ESF1: variants seen among roughly 807,000 people sequenced by gnomAD.
The protein encoded by ESF1 is ESF1 homolog.
Under a neutral mutation model 92.0 loss-of-function variants are expected in ESF1, and 58 were observed. The observed-to-expected ratio is 0.63, with a 90% CI of 0.51 to 0.78. ESF1 has a LOEUF of 0.78. ESF1 is among the 30% of genes least tolerant of loss of function. The pLI, the probability that ESF1 is intolerant of heterozygous loss-of-function variation, is 0.00. For synonymous variants in ESF1, 321 were observed against 313.7 expected (o/e 1.02, Z -0.24); for missense variants, 922 against 989.1 (o/e 0.93, Z 0.91).
chr20:13,760,659 G>A (rs1437317647), intron 8 of ESF1, among the ~76,000 whole-genome samples: 2 of 151,754 alleles, frequency 1.3e-5, no homozygotes, highest in African/African-American at 4.8e-5. Flanking sequence ...GTCCGGGAGG[G>A]AGGCGGGGGG....
chr20:13,770,023 TAAG>T lies in ESF1; in HGVS notation c.1404-5_1404-3del. On this transcript the variant is annotated splice_polypyrimidine_tract_variant and splice_region_variant and intron_variant, in intron 6 of 13. Coordinates refer to ENST00000617257, the MANE Select transcript of ESF1 (RefSeq NM_001276380.2). Reference sequence around the variant, plus strand: ...AAAGTAATATCATCTGGTATAAACCTAAGAAGTAAAGAAAAAAAATTTATTTAA... The same window carrying T: ...AAAGTAATATCATCTGGTATAAACCTAAGTAAAGAAAAAAAATTTATTTAA... 9.5e-6 allele frequency: 15 copies of T among 1,570,778 alleles called. No individual in the cohort carries two copies. Among genetic ancestry groups the T allele is most frequent in the Non-Finnish European group, 1.3e-5 (15 of 1,155,876 alleles).
At chr20:13,772,719 A>T (rs1979748122) in intron 4 of ESF1, 104 bp from the exon 5 acceptor site, 2 of 774,140 alleles carry the variant, frequency 2.6e-6, no homozygotes, top group African/African-American at 3.4e-5. Flanking sequence ...TGACTCAATG[A>T]AAACAGTAAG....
At chr20:13,723,748 G>A (rs973234001) in intron 11 of ESF1, among the ~76,000 whole-genome samples, 8 of 152,054 alleles carry the variant, frequency 5.3e-5, no homozygotes, top group Admixed American at 1.3e-4. Flanking sequence ...AAGTCATCTG[G>A]TTTACAATGT....
chr20:13,745,530 C>T (rs34799124), intron 9 of ESF1, among the ~76,000 whole-genome samples: 11,055 of 152,196 alleles, frequency 0.073, 438 homozygotes, highest in Non-Finnish European at 0.087. Flanking sequence ...TGGCTCACTG[C>T]AACCTCCCCT....
At chr20:13,730,679 C>A (rs1375803634) in intron 10 of ESF1, among the ~76,000 whole-genome samples, 1 of 151,932 alleles carries the variant, frequency 6.6e-6, no homozygotes, top group Admixed American at 6.6e-5. Context: ...CCACCGCACC[C>A]AGCCAGAACA....
rs746999313 is a variant in ESF1 at position 13,715,018 on chromosome 20, A to T, written c.2412T>A (p.Leu804=). Residue 804 remains leucine (L), a synonymous_variant, in exon 14 of 14, where the codon CTT becomes CTA. Transcript: ENST00000617257. ...TCTCTTTTTTCTTTATTGCCTGAGTAAGTTCTTGTTCTTTCCGTTCTCTTT... is the reference window on the plus strand; with the variant it reads ...TCTCTTTTTTCTTTATTGCCTGAGTTAGTTCTTGTTCTTTCCGTTCTCTTT... ...ARQRERKEQE[L]TQAIKKKESE... 6.2e-7 allele frequency: 1 copy of T among 1,613,932 alleles called. No homozygotes were observed. The highest frequency in any genetic ancestry group is 1.7e-5 in the Admixed American group (1 of 59,988).
At chr20:13,759,893 C>T in intron 8 of ESF1, 40 bp from the exon 9 acceptor site, 1 of 1,551,070 alleles carries the variant, frequency 6.4e-7, no homozygotes, top group South Asian at 1.2e-5. Flanking sequence ...AGAAACAATT[C>T]ATTTCTAACT....
chr20:13,734,514 G>A (rs2049963645), intron 9 of ESF1, among the ~76,000 whole-genome samples: 2 of 152,054 alleles, frequency 1.3e-5, no homozygotes. Flanking sequence ...ATCTCAAAAG[G>A]TCTTTCTTCC....
chr20:13,715,812 C>A (rs1372174726), intron 13 of ESF1, among the ~76,000 whole-genome samples: 4 of 152,124 alleles, frequency 2.6e-5, no homozygotes, highest in Non-Finnish European at 1.5e-5. Flanking sequence ...GATGGGTAAC[C>A]AGCAGAAAGG....
chr20:13,762,052 T>G (rs944961580), intron 8 of ESF1, among the ~76,000 whole-genome samples: 18 of 152,214 alleles, frequency 1.2e-4, no homozygotes, highest in African/African-American at 4.3e-4. Flanking sequence ...TGTATCTTTT[T>G]TAGTTTTTAA....
At chr20:13,769,403 T>C (rs1029626060) in intron 7 of ESF1, among the ~76,000 whole-genome samples, 6 of 152,152 alleles carry the variant, frequency 3.9e-5, no homozygotes, top group African/African-American at 1.4e-4. Context: ...CTTAAATGCG[T>C]AACAAGAATC....
intron 2 of ESF1, among the ~76,000 whole-genome samples, chr20:13,780,047 T>A (rs1465833607): frequency 6.6e-6 from 1 of 152,178 alleles, no homozygotes; most frequent in East Asian, 1.9e-4. Flanking sequence ...GATGAATGGA[T>A]AATGAACAGA....
At chr20:13,729,330 T>C (rs1158851511) in intron 10 of ESF1, among the ~76,000 whole-genome samples, 2 of 152,304 alleles carry the variant, frequency 1.3e-5, no homozygotes, top group East Asian at 3.9e-4. Flanking sequence ...TTGGGAGAAA[T>C]GGAAGTTATC....
intron 9 of ESF1, among the ~76,000 whole-genome samples, chr20:13,736,213 T>C (rs2049974406): frequency 6.6e-6 from 1 of 152,208 alleles, no homozygotes; most frequent in Non-Finnish European, 1.5e-5. Flanking sequence ...TCCTGTGCAC[T>C]GGAAGTTATT....
intron 13 of ESF1, among the ~76,000 whole-genome samples, chr20:13,716,200 G>A (rs1432751139): frequency 6.6e-6 from 1 of 152,132 alleles, no homozygotes; most frequent in African/African-American, 2.4e-5. Context: ...TTAATGGTTG[G>A]AAGTCATTAA....
Position 13,714,981 on chromosome 20 carries a change from T to C in ESF1, c.2449A>G (p.Lys817Glu). The change falls in exon 14 of 14, where the codon AAG (lysine) becomes GAG (glutamate). Residue 817 changes from lysine (K) to glutamate (E), a missense_variant. Physicochemically the swap from Lys to Glu is moderately conservative, Grantham distance 56. Coordinates refer to ENST00000617257, the MANE Select transcript of ESF1 (RefSeq NM_001276380.2). ...TCAATGGACTTCCTTTGTGATTCCT[T>C]TTCAATCTCACTCTCTTTTTTCTTT... ...AIKKKESEIE[K>E]ESQRKSIDPA... 1.2e-6 allele frequency: 2 copies of C among 1,614,108 alleles called. No individual in the cohort carries two copies. The highest frequency in any genetic ancestry group is 1.7e-6 in the Non-Finnish European group (2 of 1,180,012).
In ESF1 at chr20:13,716,804, A is replaced by ATTTTTTTTTTTTT. The variant is rs71188180; in HGVS notation, c.2262+551_2262+563dup. Reference sequence around the variant, plus strand: ...TACAGGTGTGCGCCACTATACCTGGATTTTTTTTTTTTTTTTTTTTTTTTT... The same window carrying ATTTTTTTTTTTTT: ...TACAGGTGTGCGCCACTATACCTGGATTTTTTTTTTTTTTTTTTTTTTTTTTTTTTTTTTTTTT... On this transcript the variant is annotated intron_variant, in intron 13 of 13. Coordinates refer to ENST00000617257, the MANE Select transcript of ESF1 (RefSeq NM_001276380.2). Among the ~76,000 whole-genome samples the ATTTTTTTTTTTTT allele has an allele frequency of 1.1e-3, 49 of 45,916 alleles. 2 individuals carry two copies. The highest frequency in any genetic ancestry group is 3.9e-3 in the South Asian group (3 of 766). 30.1% of individuals were successfully genotyped at this position (45,916 alleles called of 152,430 possible).
At chr20:13,749,889 T>G (rs1189944740) in intron 9 of ESF1, among the ~76,000 whole-genome samples, 1 of 152,030 alleles carries the variant, frequency 6.6e-6, no homozygotes, top group Non-Finnish European at 1.5e-5. Flanking sequence ...TGATAGCTCA[T>G]TTGATTACAG....
intron 8 of ESF1, among the ~76,000 whole-genome samples, chr20:13,760,265 G>A (rs1290767789): frequency 6.6e-6 from 1 of 151,258 alleles, no homozygotes; most frequent in Non-Finnish European, 1.5e-5. Flanking sequence ...AGTCTGGAAA[G>A]TGAGGAGCGT....
Sources: gnomAD v4.1 joint callset for allele counts (sites outside exome capture counted in the v4.1 genomes callset) on GRCh38, gnomAD v4.1.1 for gene constraint, MANE v1.5 for transcripts, NCBI Gene and HGNC (gene_info 2026-07-23, HGNC 2026-07-21) for gene names.